GRIA1: variants seen among roughly 807,000 people sequenced by gnomAD.
GRIA1 encodes glutamate receptor 1.
GRIA1 carries 31 observed loss-of-function variants against 99.2 expected under a neutral mutation model. That is an observed-to-expected ratio of 0.31 (90% CI 0.23 to 0.42). The LOEUF is 0.42. Among genes scored for constraint, GRIA1 ranks in the 10% least tolerant of loss-of-function variants. The pLI, the probability that GRIA1 is intolerant of heterozygous loss-of-function variation, is 1.00. For missense variants in GRIA1, 782 were observed against 1,157.5 expected, an observed-to-expected ratio of 0.68 and a Z score of 4.71; for synonymous variants, 438 against 432.4, an observed-to-expected ratio of 1.01 and a Z score of -0.16.
chr5:153,556,515 C>G (rs1347719258), intron 2 of GRIA1, among the ~76,000 whole-genome samples: 1 of 152,166 alleles, frequency 6.6e-6, no homozygotes, highest in African/African-American at 2.4e-5. Context: ...TCCCCTGAAC[C>G]CTTAAGGTAG....
chr5:153,677,411 G>A (rs1319237799), intron 7 of GRIA1, among the ~76,000 whole-genome samples: 1 of 152,180 alleles, frequency 6.6e-6, no homozygotes, highest in Non-Finnish European at 1.5e-5. Context: ...TGAAAAAGGA[G>A]AGCTGGTGAT....
chr5:153,588,244 A>G (rs1481222338), intron 2 of GRIA1, among the ~76,000 whole-genome samples: 1 of 152,168 alleles, frequency 6.6e-6, no homozygotes, highest in Non-Finnish European at 1.5e-5. Context: ...CACTCCCTCT[A>G]TAATACCTAG....
intron 2 of GRIA1, among the ~76,000 whole-genome samples, chr5:153,559,169 C>T: frequency 6.6e-6 from 1 of 152,204 alleles, no homozygotes; most frequent in East Asian, 1.9e-4. Flanking sequence ...GCTCCAGCCC[C>T]TTTGGAGCTC....
At chr5:153,630,354 G>A (rs1042440738) in intron 2 of GRIA1, among the ~76,000 whole-genome samples, 2 of 152,018 alleles carry the variant, frequency 1.3e-5, no homozygotes, top group African/African-American at 4.8e-5. Flanking sequence ...GATATGTGAG[G>A]GAGATAAGCA....
intron 2 of GRIA1, among the ~76,000 whole-genome samples, chr5:153,513,230 G>A (rs1053668788): frequency 1.3e-5 from 2 of 152,152 alleles, no homozygotes; most frequent in African/African-American, 2.4e-5. Context: ...CAGAAGGGCA[G>A]AAAGGAGTGA....
chr5:153,802,174 T>G (rs992014736), intron 14 of GRIA1, among the ~76,000 whole-genome samples, 182 bp from the exon 15 acceptor site: 4 of 152,110 alleles, frequency 2.6e-5, no homozygotes, highest in Non-Finnish European at 4.4e-5. Context: ...ACACACACTT[T>G]TTTCCTGGGG....
intron 11 of GRIA1, among the ~76,000 whole-genome samples, chr5:153,707,943 C>T (rs796734124): frequency 5.9e-5 from 9 of 152,086 alleles, no homozygotes; most frequent in African/African-American, 2.2e-4. Flanking sequence ...AAATCAGGCC[C>T]GTGGATAAAC....
At chr5:153,739,761 TA>T in intron 11 of GRIA1, among the ~76,000 whole-genome samples, 1 of 152,202 alleles carries the variant, frequency 6.6e-6, no homozygotes, top group Non-Finnish European at 1.5e-5. Flanking sequence ...ACCCAATCAG[TA>T]AGACACATGA....
At chr5:153,733,572 A>C (rs995787660) in intron 11 of GRIA1, among the ~76,000 whole-genome samples, 1 of 152,196 alleles carries the variant, frequency 6.6e-6, no homozygotes, top group Non-Finnish European at 1.5e-5. Flanking sequence ...GAGTGGCTGA[A>C]TGAATAAAAA....
Position 153,585,304 on chromosome 5 carries a change from T to C in GRIA1, c.221-61624T>C, listed in dbSNP as rs1388657508. Among the ~76,000 whole-genome samples, 47 of 127,682 alleles carry C rather than the reference T, an allele frequency of 3.7e-4. 1 individual carries two copies. The highest frequency in any genetic ancestry group is 9.3e-4 in the Admixed American group (12 of 12,938). 83.8% of individuals were successfully genotyped at this position (127,682 alleles called of 152,430 possible). The stretch of plus-strand genomic sequence containing the variant: ...TTTCTTTTCTTTCTCTCTCTCTTTT[T>C]TTTTTTTTTTTTTTTTTTTTTTGAG... On this transcript the variant is annotated intron_variant, in intron 2 of 15. Transcript: ENST00000285900.
chr5:153,633,046 T>A (rs1753091075), intron 2 of GRIA1, among the ~76,000 whole-genome samples: 1 of 152,070 alleles, frequency 6.6e-6, no homozygotes, highest in Admixed American at 6.5e-5. Context: ...TTCATATGCA[T>A]CTATGTGGGT....
chr5:153,774,473 G>C (rs1413190907), intron 13 of GRIA1, among the ~76,000 whole-genome samples: 1 of 152,206 alleles, frequency 6.6e-6, no homozygotes. Context: ...TACAAAAAAA[G>C]TGCTTGAGTT....
intron 2 of GRIA1, among the ~76,000 whole-genome samples, chr5:153,592,782 C>T (rs1025965280): frequency 6.6e-6 from 1 of 152,130 alleles, no homozygotes. Context: ...TTTCTCAGTT[C>T]TGGAGGCTGG....
intron 11 of GRIA1, among the ~76,000 whole-genome samples, chr5:153,710,057 A>C (rs892606259): frequency 6.6e-6 from 1 of 151,924 alleles, no homozygotes; most frequent in East Asian, 1.9e-4. Context: ...TCCTCCACCC[A>C]CCCTTTGAAA....
chr5:153,592,902 G>A lies in GRIA1; in HGVS notation c.221-54026G>A, dbSNP rs12520178. Among the ~76,000 whole-genome samples, 4 of 152,088 alleles carry A rather than the reference G, an allele frequency of 2.6e-5. No homozygotes were observed. In the East Asian group the frequency reaches 7.7e-4, roughly 29 times the overall value. On this transcript the variant is annotated intron_variant, in intron 2 of 15. Coordinates refer to ENST00000285900, the MANE Select transcript of GRIA1 (RefSeq NM_000827.4). ...CTTTGCATGAAAGAGAGAGGAGAGA[G>A]AGAGAGAAATTGAGTCTCTTTCTCT... is the stretch of plus-strand genomic sequence containing the variant.
chr5:153,712,539 C>T (rs771066753), intron 11 of GRIA1, among the ~76,000 whole-genome samples: 2 of 149,834 alleles, frequency 1.3e-5, no homozygotes, highest in African/African-American at 2.5e-5. Flanking sequence ...GCTCTCTGTC[C>T]TCCCATCCCA....
At chr5:153,626,426 G>A (rs1016079632) in intron 2 of GRIA1, among the ~76,000 whole-genome samples, 6 of 145,866 alleles carry the variant, frequency 4.1e-5, no homozygotes, top group African/African-American at 1.5e-4. Context: ...GACAAATCTA[G>A]TCTCTGTGTG....
chr5:153,754,935 T>C (rs566219271), intron 11 of GRIA1, among the ~76,000 whole-genome samples: 1 of 152,302 alleles, frequency 6.6e-6, no homozygotes, highest in Non-Finnish European at 1.5e-5. Flanking sequence ...CTATGAGAGC[T>C]ACATGAGGCT....
chr5:153,607,560 T>C (rs1236018278), intron 2 of GRIA1, among the ~76,000 whole-genome samples: 1 of 151,988 alleles, frequency 6.6e-6, no homozygotes, highest in African/African-American at 2.4e-5. Flanking sequence ...TTTTTTTGAC[T>C]TTTTACTCCT....
Sources: gnomAD v4.1 joint callset for allele counts (sites outside exome capture counted in the v4.1 genomes callset) on GRCh38, gnomAD v4.1.1 for gene constraint, MANE v1.5 for transcripts, NCBI Gene and HGNC (gene_info 2026-07-23, HGNC 2026-07-21) for gene names.